Variants in HIBADH observed in about 807,000 individuals in gnomAD.
HIBADH encodes the protein 3-hydroxyisobutyrate dehydrogenase, mitochondrial.
A neutral mutation model predicts 36.1 loss-of-function variants in HIBADH; 25 were observed. The ratio of observed to expected loss-of-function variants is 0.69; its 90% confidence interval spans 0.50 to 0.97. The LOEUF is 0.97. Among genes scored for constraint, HIBADH ranks in the 50% least tolerant of loss-of-function variants. The pLI is 0.00. For missense variants in HIBADH, 421 were observed against 418.0 expected (o/e 1.01, Z -0.06); for synonymous variants, 160 against 149.5 (o/e 1.07, Z -0.51).
At chr7:27,538,663 A>G (rs1219038588) in intron 5 of HIBADH, among the ~76,000 whole-genome samples, 1 of 152,188 alleles carries the variant, frequency 6.6e-6, no homozygotes, top group African/African-American at 2.4e-5. Flanking sequence ...TTTATTTTCC[A>G]CATAGCTACT....
At chr7:27,632,636 T>C (rs550167898) in intron 2 of HIBADH, among the ~76,000 whole-genome samples, 191 bp from the exon 3 acceptor site, 1 of 148,678 alleles carries the variant, frequency 6.7e-6, no homozygotes, top group Non-Finnish European at 1.5e-5. Flanking sequence ...ATTATACATA[T>C]ACAGATGCAG....
At chr7:27,659,859 A>G (rs1786381503) in intron 1 of HIBADH, among the ~76,000 whole-genome samples, 1 of 152,198 alleles carries the variant, frequency 6.6e-6, no homozygotes, top group African/African-American at 2.4e-5. Context: ...GTAGTTCTAG[A>G]CCAGCGTAGT....
chr7:27,529,510 T>A (rs1293203654), intron 7 of HIBADH, among the ~76,000 whole-genome samples: 3 of 152,192 alleles, frequency 2.0e-5, no homozygotes, highest in Non-Finnish European at 4.4e-5. Context: ...AGAAAGTCAC[T>A]GCAGACGTGG....
chr7:27,579,441 C>G (rs528509652), intron 4 of HIBADH, among the ~76,000 whole-genome samples: 206 of 152,270 alleles, frequency 1.4e-3, no homozygotes, highest in African/African-American at 4.7e-3. Context: ...TTCATGAATT[C>G]TATTTTTACT....
In HIBADH at chr7:27,526,158, AG is replaced by A. The variant is rs1254445752; in HGVS notation, c.*55del. 2.7e-6 allele frequency: 4 copies of A among 1,461,740 alleles called. No homozygotes were observed. The highest frequency in any genetic ancestry group is 3.6e-6 in the Non-Finnish European group (4 of 1,096,234). The allele number at this position is 1,461,740 out of a possible 1,614,324, so 90.5% of individuals were successfully genotyped here. On this transcript the variant is annotated 3_prime_UTR_variant, in exon 8 of 8. Coordinates refer to ENST00000265395, the MANE Select transcript of HIBADH (RefSeq NM_152740.4). The stretch of plus-strand genomic sequence containing the variant: ...CCATTTACTTGTGGAGTGAGCTAAA[AG>A]GAGGCTCCAAGACAGAGTTTGGTTC...
At chr7:27,649,241 G>A (rs1384293535) in intron 2 of HIBADH, 3 of 364,538 alleles carry the variant, frequency 8.2e-6, no homozygotes, top group South Asian at 8.0e-5. Flanking sequence ...CTGACCAAAT[G>A]TGCAAAATGT....
In HIBADH at chr7:27,618,903, A is replaced by G. The variant is rs1562646482; in HGVS notation, c.484+10468T>C. Among the ~76,000 whole-genome samples, 5 of 152,272 alleles carry G rather than the reference A, an allele frequency of 3.3e-5. No homozygotes were observed. In the East Asian group the frequency reaches 9.7e-4, roughly 29 times the overall value. ...CAGGTCTCCTGAGTAGTTACTCATT[A>G]TTGCAAGGACAGCACCAAGGGGATG... is the stretch of plus-strand genomic sequence containing the variant. On this transcript the variant is annotated intron_variant, in intron 4 of 7. Coordinates refer to ENST00000265395, the MANE Select transcript of HIBADH (RefSeq NM_152740.4).
intron 4 of HIBADH, among the ~76,000 whole-genome samples, chr7:27,558,805 T>C (rs888280314): frequency 6.6e-6 from 1 of 152,218 alleles, no homozygotes; most frequent in Non-Finnish European, 1.5e-5. Context: ...GGAGGAGCCC[T>C]CATATTTTTT....
chr7:27,532,578 A>T (rs1583555925), intron 6 of HIBADH, among the ~76,000 whole-genome samples: 1 of 152,212 alleles, frequency 6.6e-6, no homozygotes, highest in East Asian at 1.9e-4. Flanking sequence ...CTGTTATGTA[A>T]TCAGGCTTTC....
intron 2 of HIBADH, among the ~76,000 whole-genome samples, chr7:27,641,464 T>C (rs1045474642): frequency 5.3e-5 from 8 of 152,212 alleles, no homozygotes; most frequent in Admixed American, 5.2e-4. Flanking sequence ...TTTTTTAACC[T>C]TTAAACCCAC....
chr7:27,638,543 C>G (rs1430354212), intron 2 of HIBADH, among the ~76,000 whole-genome samples: 1 of 151,954 alleles, frequency 6.6e-6, no homozygotes, highest in Non-Finnish European at 1.5e-5. Flanking sequence ...GAAAAGATTT[C>G]AAGACAAAGA....
intron 4 of HIBADH, among the ~76,000 whole-genome samples, chr7:27,579,574 T>C (rs569202158): frequency 3.3e-5 from 5 of 152,362 alleles, no homozygotes; most frequent in African/African-American, 1.2e-4. Context: ...CAAATTTCTA[T>C]AAACTGAATA....
Position 27,655,423 on chromosome 7 carries a change from T to C in HIBADH, c.92-5790A>G, listed in dbSNP as rs559601900. Among the ~76,000 whole-genome samples the C allele has an allele frequency of 1.7e-4, 26 of 152,300 alleles. No individual in the cohort carries two copies. In the South Asian group the frequency reaches 5.0e-3, roughly 29 times the overall value. On this transcript the variant is annotated intron_variant, in intron 1 of 7. Transcript: ENST00000265395. The stretch of plus-strand genomic sequence containing the variant: ...TCAAATGATTCAAGCGGGATAGGTA[T>C]ATATGTGGAAGAAAAAAAGTCAATG...
intron 6 of HIBADH, among the ~76,000 whole-genome samples, chr7:27,534,923 T>C (rs1389357078): frequency 6.6e-6 from 1 of 151,238 alleles, no homozygotes; most frequent in African/African-American, 2.4e-5. Flanking sequence ...ATCACTTTTG[T>C]CATTTTATAA....
In HIBADH at chr7:27,582,854, A is replaced by C. The variant is rs145967613; in HGVS notation, c.485-39754T>G. On this transcript the variant is annotated intron_variant, in intron 4 of 7. Transcript: ENST00000265395. ...TGTCTGAATTAGCTCTACCTCTACA[A>C]ATGAGTAGGACAAATTCTTTAACCT... 2.0e-4 allele frequency among the ~76,000 whole-genome samples: 31 copies of C among 152,170 alleles called. No homozygotes were observed. In the East Asian group the frequency reaches 4.8e-3, roughly 24 times the overall value.
intron 4 of HIBADH, among the ~76,000 whole-genome samples, chr7:27,585,789 T>C (rs1485936349): frequency 1.3e-5 from 2 of 152,144 alleles, no homozygotes; most frequent in African/African-American, 4.8e-5. Context: ...TACTGAAAAA[T>C]GAATCTAGAG....
chr7:27,635,170 T>C (rs1024077302), intron 2 of HIBADH, among the ~76,000 whole-genome samples: 3 of 151,866 alleles, frequency 2.0e-5, no homozygotes, highest in African/African-American at 7.3e-5. Flanking sequence ...ATCAGACAGA[T>C]AAACAGACAT....
At chr7:27,619,865 G>A (rs1006593727) in intron 4 of HIBADH, among the ~76,000 whole-genome samples, 3 of 152,090 alleles carry the variant, frequency 2.0e-5, no homozygotes, top group African/African-American at 7.2e-5. Context: ...CAAACCCACA[G>A]AGAAAGTGAA....
chr7:27,579,403 T>C (rs931019922), intron 4 of HIBADH, among the ~76,000 whole-genome samples: 1 of 152,102 alleles, frequency 6.6e-6, no homozygotes, highest in Admixed American at 6.6e-5. Flanking sequence ...ATAAAGAGAA[T>C]CTCTATACAC....
Sources: allele counts gnomAD v4.1 joint callset (sites outside exome capture counted in the v4.1 genomes callset), GRCh38; gene constraint gnomAD v4.1.1; transcripts MANE v1.5; gene names NCBI Gene and HGNC (gene_info 2026-07-23, HGNC 2026-07-21).